The following FRMPD1 variants were observed in gnomAD, a reference collection of about 807,000 sequenced individuals.
The protein encoded by FRMPD1 is FERM and PDZ domain containing 1.
In FRMPD1, 76 loss-of-function variants were observed where a neutral mutation model predicts 117.8. The observed-to-expected ratio is 0.65, with a 90% CI of 0.54 to 0.78. The LOEUF (loss-of-function observed/expected upper bound fraction) is 0.78, where lower values mean the gene tolerates loss of function less well. Ranked by LOEUF, FRMPD1 falls within the 30% of genes least tolerant of loss-of-function variation. The pLI is 0.00. For missense variants in FRMPD1, 1,786 were observed against 1,964.5 expected, an observed-to-expected ratio of 0.91 and a Z score of 1.72; for synonymous variants, 783 against 770.4, an observed-to-expected ratio of 1.02 and a Z score of -0.27.
the FRMPD1 span, chr9:37,637,167 C>G: frequency 6.2e-7 from 1 of 1,610,462 alleles, no homozygotes; most frequent in Admixed American, 1.7e-5. Flanking sequence ...TTGAAGTCCA[C>G]CCCGATGGTG....
the FRMPD1 span, among the ~76,000 whole-genome samples, chr9:37,626,579 G>T: frequency 4.4e-5 from 6 of 136,000 alleles, no homozygotes; most frequent in African/African-American, 1.4e-4. Flanking sequence ...TTGAGCTCAG[G>T]AGTTTGAGAC....
At chr9:37,709,662 G>A (rs1020451176) in intron 4 of FRMPD1, among the ~76,000 whole-genome samples, 2 of 152,154 alleles carry the variant, frequency 1.3e-5, no homozygotes, top group African/African-American at 4.8e-5. Flanking sequence ...ACAGAGAAGG[G>A]CCCAGAAATA....
chr9:37,696,629 A>G (rs907285324), intron 2 of FRMPD1, among the ~76,000 whole-genome samples: 5 of 152,230 alleles, frequency 3.3e-5, no homozygotes. Flanking sequence ...TTGCAAACCA[A>G]TGAGACTAAG....
intron 13 of FRMPD1, 134 bp downstream of exon 13, chr9:37,735,868 A>G: frequency 3.1e-6 from 2 of 637,956 alleles, no homozygotes; most frequent in South Asian, 2.4e-5. Context: ...CGAATTGTCC[A>G]TCCTGTTCTA....
In FRMPD1 at chr9:37,732,436, A is replaced by G. The variant is rs746902871; in HGVS notation, c.991A>G (p.Ile331Val). Reference protein sequence around the residue: ...AQPQKISLKYIEKDWGIENFI... With the variant: ...AQPQKISLKYVEKDWGIENFI... ...GCCACAGAAGATCTCTTTAAAGTAT[A>G]TAGAGTGAGTGGCAGGGGATGGCAG... The change falls in exon 10 of 16, where the codon ATA (isoleucine) becomes GTA (valine). Residue 331 changes from isoleucine to valine, a missense_variant. By Grantham distance (29) the Ile-to-Val change is conservative. Coordinates refer to ENST00000377765, the MANE Select transcript of FRMPD1 (RefSeq NM_014907.3). The G allele has an allele frequency of 1.9e-6, 3 of 1,600,980 alleles. No individual in the cohort carries two copies. Among genetic ancestry groups the G allele is most frequent in the East Asian group, 2.2e-5 (1 of 44,612 alleles).
chr9:37,624,840 T>C, the FRMPD1 span, among the ~76,000 whole-genome samples: 3 of 152,204 alleles, frequency 2.0e-5, no homozygotes, highest in Non-Finnish European at 4.4e-5. Flanking sequence ...CAATCAATGG[T>C]TATGGCATTG....
At chr9:37,698,288 C>G (rs998610004) in intron 2 of FRMPD1, among the ~76,000 whole-genome samples, 2 of 152,110 alleles carry the variant, frequency 1.3e-5, no homozygotes, top group Non-Finnish European at 2.9e-5. Context: ...TTAGTATATG[C>G]TAGGAGATGA....
intron 1 of FRMPD1, among the ~76,000 whole-genome samples, chr9:37,657,211 G>T (rs930798628): frequency 5.3e-5 from 8 of 152,218 alleles, no homozygotes; most frequent in African/African-American, 1.9e-4. Context: ...AATATAGGGT[G>T]TAGGCTACAG....
intron 4 of FRMPD1, 35 bp from the exon 5 acceptor site, chr9:37,711,315 C>T: frequency 6.8e-7 from 1 of 1,466,392 alleles, no homozygotes; most frequent in South Asian, 1.1e-5. Flanking sequence ...CGCAGAACGA[C>T]TAAATGTTTT....
the FRMPD1 span, among the ~76,000 whole-genome samples, chr9:37,644,508 C>A: frequency 6.6e-6 from 1 of 152,162 alleles, no homozygotes; most frequent in Non-Finnish European, 1.5e-5. Flanking sequence ...CAATTTGGGT[C>A]CCCTCAGCAG....
chr9:37,611,573 G>A, the FRMPD1 span, among the ~76,000 whole-genome samples: 1 of 152,136 alleles, frequency 6.6e-6, no homozygotes, highest in Non-Finnish European at 1.5e-5. Context: ...TATTTTATTT[G>A]GTAGACTCTT....
chr9:37,735,475 A>C lies in FRMPD1; in HGVS notation c.1219-77A>C, dbSNP rs1588968229. ...TAGGAATCAAGGAGTTTGCAGCGAG[A>C]GGTATTATTGCTTACATGTGAAATG... On this transcript the variant is annotated intron_variant, in intron 12 of 15. Transcript: ENST00000377765. The C allele has an allele frequency of 5.1e-5, 53 of 1,043,594 alleles. 1 individual carries two copies. In the East Asian group the frequency reaches 1.3e-3, roughly 25 times the overall value. The allele number at this position is 1,043,594 out of a possible 1,614,324, so 64.6% of individuals were successfully genotyped here. A position where few individuals can be genotyped will look rare whatever the true frequency, so the allele number is the denominator to read the frequency against.
chr9:37,744,411 AG>A lies in FRMPD1; in HGVS notation c.2380del (p.Glu794AsnfsTer35). ...CAGGGCCCAGAGATGTTTCTACTGCAGAACCCAGTGCCACAAGCTTGCAGAA... is the reference window on the plus strand; with the variant it reads ...CAGGGCCCAGAGATGTTTCTACTGCAAACCCAGTGCCACAAGCTTGCAGAA... ...PSGPRDVSTA[E>X]PSATSLQNKA... On this transcript the variant is annotated frameshift_variant, in exon 16 of 16. Transcript: ENST00000377765. LOFTEE classifies it low-confidence loss of function (END_TRUNC). 6.2e-7 allele frequency: 1 copy of A among 1,607,334 alleles called. No homozygotes were observed. Among genetic ancestry groups the A allele is most frequent in the Non-Finnish European group, 8.5e-7 (1 of 1,176,692 alleles).
At chr9:37,621,786 G>A in the FRMPD1 span, among the ~76,000 whole-genome samples, 7 of 152,278 alleles carry the variant, frequency 4.6e-5, no homozygotes, top group Admixed American at 2.0e-4. Context: ...TTACGTGGGA[G>A]TGAATAGGCC....
chr9:37,718,493 T>C (rs1008390238), intron 5 of FRMPD1, among the ~76,000 whole-genome samples: 3 of 152,228 alleles, frequency 2.0e-5, no homozygotes, highest in Admixed American at 6.5e-5. Flanking sequence ...CATATACTCA[T>C]ACCAACCTGT....
chr9:37,637,933 T>C, the FRMPD1 span, among the ~76,000 whole-genome samples: 1 of 151,524 alleles, frequency 6.6e-6, no homozygotes, highest in African/African-American at 2.4e-5. Context: ...GGTGGGATTT[T>C]AATTCTGATT....
intron 9 of FRMPD1, among the ~76,000 whole-genome samples, chr9:37,731,737 G>C (rs560097541): frequency 2.0e-5 from 3 of 152,264 alleles, no homozygotes; most frequent in Admixed American, 6.5e-5. Context: ...GCCAGCCGTG[G>C]TGGCACACAC....
intron 2 of FRMPD1, 122 bp downstream of exon 2, chr9:37,692,864 T>C (rs554297145): frequency 1.1e-5 from 8 of 745,954 alleles, no homozygotes; most frequent in African/African-American, 3.5e-5. Flanking sequence ...TCTTACACCA[T>C]ATGGTGGGAG....
the FRMPD1 span, among the ~76,000 whole-genome samples, chr9:37,637,460 A>T: frequency 6.6e-6 from 1 of 152,134 alleles, no homozygotes; most frequent in African/African-American, 2.4e-5. Flanking sequence ...ATAAACATAC[A>T]CGGTTGTGCA....
Sources: gnomAD v4.1 joint callset for allele counts (sites outside exome capture counted in the v4.1 genomes callset) on GRCh38, gnomAD v4.1.1 for gene constraint, MANE v1.5 for transcripts, NCBI Gene and HGNC (gene_info 2026-07-23, HGNC 2026-07-21) for gene names.